The following ADAMTS12 variants were observed in gnomAD, a reference collection of about 807,000 sequenced individuals.
The protein encoded by ADAMTS12 is A disintegrin and metalloproteinase with thrombospondin motifs 12.
Under a neutral mutation model 167.8 loss-of-function variants are expected in ADAMTS12, and 118 were observed. That is an observed-to-expected ratio of 0.70 (90% CI 0.61 to 0.82). The LOEUF (loss-of-function observed/expected upper bound fraction) is 0.82, where lower values mean the gene tolerates loss of function less well. Ranked by LOEUF, ADAMTS12 falls within the 40% of genes least tolerant of loss-of-function variation. The pLI is 0.00. For synonymous variants in ADAMTS12, 704 were observed against 716.9 expected (o/e 0.98, Z 0.29); for missense variants, 1,916 against 1,998.8 (o/e 0.96, Z 0.79).
At chr5:33,633,816 G>C (rs10072973) in intron 12 of ADAMTS12, among the ~76,000 whole-genome samples, 20,940 of 152,162 alleles carry the variant, frequency 0.14, 1,775 homozygotes, top group African/African-American at 0.23. Context: ...CATCTCTACA[G>C]AGTTGAGTAC....
At chr5:33,551,103 T>C (rs542039052) in intron 20 of ADAMTS12, among the ~76,000 whole-genome samples, 1 of 152,286 alleles carries the variant, frequency 6.6e-6, no homozygotes, top group South Asian at 2.1e-4. Context: ...TAAAAGACCA[T>C]GCTGTCTTTC....
At chr5:33,705,031 G>T (rs1297587209) in intron 3 of ADAMTS12, among the ~76,000 whole-genome samples, 4 of 151,294 alleles carry the variant, frequency 2.6e-5, no homozygotes, top group Non-Finnish European at 5.9e-5. Flanking sequence ...TTTGCATGTG[G>T]TTATTCCTTT....
intron 3 of ADAMTS12, among the ~76,000 whole-genome samples, chr5:33,719,463 C>A (rs1010281049): frequency 6.6e-6 from 1 of 152,176 alleles, no homozygotes; most frequent in East Asian, 1.9e-4. Context: ...TACCCTTTGA[C>A]CTAGCAATTC....
At chr5:33,767,094 T>C (rs900016634) in intron 2 of ADAMTS12, among the ~76,000 whole-genome samples, 6 of 152,184 alleles carry the variant, frequency 3.9e-5, no homozygotes, top group African/African-American at 1.4e-4. Flanking sequence ...CACAATGGGA[T>C]GTCATGCAGC....
chr5:33,534,049 C>T (rs1744250856), intron 23 of ADAMTS12, among the ~76,000 whole-genome samples: 1 of 152,186 alleles, frequency 6.6e-6, no homozygotes, highest in South Asian at 2.1e-4. Context: ...GAAGCCCAAA[C>T]AATCAGTGGA....
intron 3 of ADAMTS12, among the ~76,000 whole-genome samples, chr5:33,708,298 C>T (rs1483557735): frequency 1.3e-5 from 2 of 152,140 alleles, no homozygotes; most frequent in Non-Finnish European, 2.9e-5. Context: ...CAGGAAACAA[C>T]AGACACCGGA....
chr5:33,687,932 C>T (rs1742397305), intron 3 of ADAMTS12, among the ~76,000 whole-genome samples: 1 of 152,120 alleles, frequency 6.6e-6, no homozygotes, highest in Non-Finnish European at 1.5e-5. Context: ...TCATACACAT[C>T]ACTCTGTTTA....
At chr5:33,650,852 T>G (rs1740842680) in intron 7 of ADAMTS12, among the ~76,000 whole-genome samples, 1 of 152,220 alleles carries the variant, frequency 6.6e-6, no homozygotes, top group African/African-American at 2.4e-5. Flanking sequence ...GGCTTAAATT[T>G]CTAAATCTGT....
chr5:33,564,350 C>T (rs1745901675), intron 19 of ADAMTS12, among the ~76,000 whole-genome samples: 1 of 152,164 alleles, frequency 6.6e-6, no homozygotes, highest in African/African-American at 2.4e-5. Flanking sequence ...GCTGTTGAAG[C>T]TTAGCATGGA....
At chr5:33,889,869 T>G (rs1318800174) in intron 1 of ADAMTS12, among the ~76,000 whole-genome samples, 1 of 152,100 alleles carries the variant, frequency 6.6e-6, no homozygotes, top group African/African-American at 2.4e-5. Flanking sequence ...GGAGAATCAC[T>G]TGAACCCGGG....
At chr5:33,766,935 T>C (rs1375632762) in intron 2 of ADAMTS12, among the ~76,000 whole-genome samples, 1 of 152,154 alleles carries the variant, frequency 6.6e-6, no homozygotes, top group Non-Finnish European at 1.5e-5. Flanking sequence ...ACACTCCATC[T>C]GTAAAATCTC....
chr5:33,860,533 T>C (rs1218568685), intron 2 of ADAMTS12, among the ~76,000 whole-genome samples: 1 of 152,136 alleles, frequency 6.6e-6, no homozygotes, highest in East Asian at 1.9e-4. Flanking sequence ...CAAACCTGTG[T>C]TTGATTGGTG....
chr5:33,549,852 T>C (rs925516309), intron 20 of ADAMTS12, among the ~76,000 whole-genome samples: 1 of 152,256 alleles, frequency 6.6e-6, no homozygotes, highest in Non-Finnish European at 1.5e-5. Flanking sequence ...CGTCTTTCCT[T>C]CAGAATACTG....
chr5:33,663,276 G>A (rs2112220982), intron 5 of ADAMTS12, among the ~76,000 whole-genome samples: 1 of 152,228 alleles, frequency 6.6e-6, no homozygotes, highest in South Asian at 2.1e-4. Context: ...TCTGGGGGAC[G>A]AGCTGGGAAT....
Position 33,881,493 on chromosome 5 carries a change from G to A in ADAMTS12, c.128-13C>T. ...TTGATAAAATGCTCTGAAAGAAAAG[G>A]AGAAATGGAAGAACAGTGAGGGAGA... On this transcript the variant is annotated splice_polypyrimidine_tract_variant and intron_variant, in intron 1 of 23. Coordinates refer to ENST00000504830, the MANE Select transcript of ADAMTS12 (RefSeq NM_030955.4). 1 of 1,606,418 alleles carries A rather than the reference G, an allele frequency of 6.2e-7. No individual in the cohort carries two copies. The highest frequency in any genetic ancestry group is 1.1e-5 in the South Asian group (1 of 90,910).
At chr5:33,605,165 C>A (rs972511283) in intron 16 of ADAMTS12, among the ~76,000 whole-genome samples, 1 of 152,204 alleles carries the variant, frequency 6.6e-6, no homozygotes, top group African/African-American at 2.4e-5. Flanking sequence ...CTTCCCTATG[C>A]TCAAATCACT....
At chr5:33,567,081 G>A (rs944313901) in intron 19 of ADAMTS12, among the ~76,000 whole-genome samples, 7 of 152,312 alleles carry the variant, frequency 4.6e-5, no homozygotes, top group African/African-American at 1.4e-4. Context: ...GACATTACTT[G>A]TTGGGCTTTA....
Position 33,527,163 on chromosome 5 carries a change from G to C in ADAMTS12, c.*25C>G. 6.2e-7 allele frequency: 1 copy of C among 1,613,312 alleles called. No homozygotes were observed. The highest frequency in any genetic ancestry group is 8.5e-7 in the Non-Finnish European group (1 of 1,179,434). On this transcript the variant is annotated 3_prime_UTR_variant, in exon 24 of 24. Coordinates refer to ENST00000504830, the MANE Select transcript of ADAMTS12 (RefSeq NM_030955.4). ...CATGGTCAGCAGGCTGCTGCAGTCT[G>C]GTGGAAGCTGGCTTCCTTTTGGGCT...
At chr5:33,782,621 T>C (rs1341315887) in intron 2 of ADAMTS12, among the ~76,000 whole-genome samples, 1 of 151,998 alleles carries the variant, frequency 6.6e-6, no homozygotes, top group Non-Finnish European at 1.5e-5. Flanking sequence ...GAGACCATAA[T>C]CATAAAAGAG....
Sources: allele counts gnomAD v4.1 joint callset (sites outside exome capture counted in the v4.1 genomes callset), GRCh38; gene constraint gnomAD v4.1.1; transcripts MANE v1.5; gene names NCBI Gene and HGNC (gene_info 2026-07-23, HGNC 2026-07-21).